The following IL20RA variants were observed in gnomAD, a reference collection of about 807,000 sequenced individuals.
IL20RA encodes the protein interleukin-20 receptor subunit alpha.
A neutral mutation model predicts 36.5 loss-of-function variants in IL20RA; 29 were observed. The ratio of observed to expected loss-of-function variants is 0.79; its 90% CI spans 0.59 to 1.08. The LOEUF is 1.08. IL20RA is among the 50% of genes least tolerant of loss of function. The probability of loss-of-function intolerance (pLI) is 0.00; values close to 1 mark genes in which losing one functional copy is unlikely to be tolerated. For missense variants in IL20RA, 652 were observed against 668.4 expected, an observed-to-expected ratio of 0.98 and a Z score of 0.27; for synonymous variants, 279 against 267.1, an observed-to-expected ratio of 1.04 and a Z score of -0.43.
At chr6:137,008,118 C>A (rs1365836357) in intron 5 of IL20RA, among the ~76,000 whole-genome samples, 2 of 152,146 alleles carry the variant, frequency 1.3e-5, no homozygotes, top group Non-Finnish European at 2.9e-5. Flanking sequence ...CAGGCATGCA[C>A]TACCAAGCCT....
chr6:137,008,512 T>G lies in IL20RA; in HGVS notation c.724+87A>C, dbSNP rs1029363384. On this transcript the variant is annotated intron_variant, in intron 5 of 6. Transcript: ENST00000316649. ...CAACCTGTTTCTGTTAGACACGGAT[T>G]TGTCAAAACCTTGTCTAAACCATCA... 38 of 1,359,978 alleles carry G rather than the reference T, an allele frequency of 2.8e-5. No individual in the cohort carries two copies. In the African/African-American group the frequency reaches 5.0e-4, roughly 18 times the overall value. The allele number at this position is 1,359,978 out of a possible 1,614,324, so 84.2% of individuals were successfully genotyped here. A position where few individuals can be genotyped will look rare whatever the true frequency, so the allele number is the denominator to read the frequency against.
At chr6:137,028,255 TA>T (rs1582834416) in intron 1 of IL20RA, among the ~76,000 whole-genome samples, 1 of 151,826 alleles carries the variant, frequency 6.6e-6, no homozygotes, top group African/African-American at 2.4e-5. Flanking sequence ...CCATCTCTAT[TA>T]AAATTACAAA....
intron 6 of IL20RA, among the ~76,000 whole-genome samples, chr6:137,003,659 C>T (rs1177709852): frequency 2.0e-5 from 3 of 152,332 alleles, no homozygotes; most frequent in South Asian, 4.1e-4. Context: ...GACTATGATG[C>T]TCCTAACCTA....
chr6:137,034,940 A>G (rs1248873738), intron 1 of IL20RA, among the ~76,000 whole-genome samples: 2 of 127,514 alleles, frequency 1.6e-5, no homozygotes, highest in South Asian at 2.9e-4. Flanking sequence ...GCGAGACTCC[A>G]TCTCAGAAAA....
chr6:137,044,897 T>G lies in IL20RA; in HGVS notation c.-169A>C. The G allele has an allele frequency of 1.8e-6, 1 of 550,210 alleles. No homozygotes were observed. The highest frequency in any genetic ancestry group is 2.6e-6 in the Non-Finnish European group (1 of 379,426). 34.1% of individuals were successfully genotyped at this position (550,210 alleles called of 1,614,324 possible). ...TCCGCCACAGCCGCGTCCCCCAGGC[T>G]TCCCCAGAAACCAAGGGCGAGCGAC... On this transcript the variant is annotated 5_prime_UTR_variant, in exon 1 of 7. Transcript: ENST00000316649.
chr6:137,018,384 C>A (rs1390947488), intron 1 of IL20RA, among the ~76,000 whole-genome samples: 1 of 152,118 alleles, frequency 6.6e-6, no homozygotes, highest in Non-Finnish European at 1.5e-5. Context: ...GTAAAGATGG[C>A]TGAGTGTAGG....
intron 6 of IL20RA, among the ~76,000 whole-genome samples, chr6:137,004,004 T>G (rs1276970730): frequency 6.6e-6 from 1 of 152,136 alleles, no homozygotes; most frequent in Admixed American, 6.6e-5. Flanking sequence ...TGTGTTATTT[T>G]GAAATTCTAG....
At chr6:137,030,677 A>C (rs1776246236) in intron 1 of IL20RA, among the ~76,000 whole-genome samples, 2 of 152,180 alleles carry the variant, frequency 1.3e-5, no homozygotes. Flanking sequence ...GCAATAACAA[A>C]CATTATTTTT....
Position 137,001,739 on chromosome 6 carries a change from A to G in IL20RA, c.1481T>C (p.Leu494Pro), listed in dbSNP as rs1222484762. The G allele has an allele frequency of 6.2e-7, 1 of 1,613,522 alleles. No individual in the cohort carries two copies. Among genetic ancestry groups the G allele is most frequent in the Admixed American group, 1.7e-5 (1 of 59,984 alleles). Reference sequence around the variant, plus strand: ...CTCTGAATCCTGGTCGAAGCTGGACAGCGAAGGAATACACAGCCTGCCAGT... The same window carrying G: ...CTCTGAATCCTGGTCGAAGCTGGACGGCGAAGGAATACACAGCCTGCCAGT... ...PQTGRLCIPS[L>P]SSFDQDSEGC... is the part of the protein sequence containing the mutation. The change falls in exon 7 of 7, where the codon CTG becomes CCG. Residue 494 changes from leucine to proline, a missense_variant. Transcript: ENST00000316649.
chr6:137,017,093 G>C lies in IL20RA; in HGVS notation c.99C>G (p.Val33=). The change falls in exon 2 of 7, where the codon GTC becomes GTG. Residue 33 remains valine (V), a synonymous_variant. Coordinates refer to ENST00000316649, the MANE Select transcript of IL20RA (RefSeq NM_014432.4). ...AAPWGRAVPC[V]SGGLPKPANI... ...TTGCAGGTTTAGGCAAACCACCAGA[G>C]ACACAGGGAACTGAAAAAGGAGCAG... 2.5e-6 allele frequency: 4 copies of C among 1,612,936 alleles called. No homozygotes were observed. The highest frequency in any genetic ancestry group is 3.4e-6 in the Non-Finnish European group (4 of 1,179,586).
chr6:137,036,537 G>A (rs1776499835), intron 1 of IL20RA, among the ~76,000 whole-genome samples: 1 of 152,160 alleles, frequency 6.6e-6, no homozygotes, highest in Non-Finnish European at 1.5e-5. Context: ...CTATGTGAAG[G>A]CAAACAGGAA....
chr6:137,031,748 G>C (rs1331524893), intron 1 of IL20RA, among the ~76,000 whole-genome samples: 1 of 151,496 alleles, frequency 6.6e-6, no homozygotes, highest in East Asian at 1.9e-4. Flanking sequence ...TCAAGAAAAT[G>C]AAAGAGGATG....
At chr6:137,009,113 C>A in intron 4 of IL20RA, 2 of 619,372 alleles carry the variant, frequency 3.2e-6, no homozygotes, top group South Asian at 2.0e-5. Flanking sequence ...AACACCATAT[C>A]CTGTCAACAG....
At chr6:137,015,818 G>A (rs1426180982) in intron 2 of IL20RA, among the ~76,000 whole-genome samples, 2 of 152,012 alleles carry the variant, frequency 1.3e-5, no homozygotes, top group African/African-American at 2.4e-5. Context: ...TATCATGACC[G>A]GCTAATTTTT....
chr6:137,002,896 A>T (rs972667553), intron 6 of IL20RA, among the ~76,000 whole-genome samples: 1 of 152,158 alleles, frequency 6.6e-6, no homozygotes, highest in Non-Finnish European at 1.5e-5. Context: ...TACCCCTTAC[A>T]CCATTCTTAT....
Position 137,004,175 on chromosome 6 carries a change from T to TTTTTTTTTTG in IL20RA, c.864+445_864+446insCAAAAAAAAA, listed in dbSNP as rs1562228091. ...TCCAGAAAGCTTTTTTTTTTTTTTT[T>TTTTTTTTTTG]TTTTTTTTTTGAGACAGAGCCTCAG... On this transcript the variant is annotated intron_variant, in intron 6 of 6. Coordinates refer to ENST00000316649, the MANE Select transcript of IL20RA (RefSeq NM_014432.4). 3.3e-4 allele frequency among the ~76,000 whole-genome samples: 26 copies of TTTTTTTTTTG among 78,420 alleles called. 1 individual carries two copies. Among genetic ancestry groups the TTTTTTTTTTG allele is most frequent in the Middle Eastern group, 7.0e-3 (1 of 142 alleles). The allele number at this position is 78,420 out of a possible 152,430, so 51.4% of individuals were successfully genotyped here. A position where few individuals can be genotyped will look rare whatever the true frequency, so the allele number is the denominator to read the frequency against.
chr6:137,009,609 T>C, intron 3 of IL20RA, 117 bp from the exon 4 acceptor site: 1 of 621,816 alleles, frequency 1.6e-6, no homozygotes, highest in Middle Eastern at 4.3e-4. Context: ...TTTTTTTTTT[T>C]TTTTTTTTTT....
intron 1 of IL20RA, among the ~76,000 whole-genome samples, chr6:137,019,476 T>C (rs1040714213): frequency 6.6e-6 from 1 of 152,116 alleles, no homozygotes; most frequent in African/African-American, 2.4e-5. Context: ...GCTCTCAAGA[T>C]GCCTAAAACA....
In IL20RA at chr6:137,000,059, T is replaced by C. The variant is rs544417224; in HGVS notation, c.*1499A>G. The C allele has an allele frequency of 2.0e-5, 3 of 152,350 alleles. No individual in the cohort carries two copies. Among genetic ancestry groups the C allele is most frequent in the African/African-American group, 7.2e-5 (3 of 41,580 alleles). 9.4% of individuals were successfully genotyped at this position (152,350 alleles called of 1,614,324 possible). On this transcript the variant is annotated 3_prime_UTR_variant, in exon 7 of 7. Coordinates refer to ENST00000316649, the MANE Select transcript of IL20RA (RefSeq NM_014432.4). ...CTACTTTTACAGTTAGTGTAATACA[T>C]CTGTTCTTCAAAACCAGCAGAATCG...
Sources: allele counts gnomAD v4.1 joint callset (sites outside exome capture counted in the v4.1 genomes callset), GRCh38; gene constraint gnomAD v4.1.1; transcripts MANE v1.5; gene names NCBI Gene and HGNC (gene_info 2026-07-23, HGNC 2026-07-21).